The following ADAMTS20 variants were observed in gnomAD, a reference collection of about 807,000 sequenced individuals.
ADAMTS20 encodes ADAM metallopeptidase with thrombospondin type 1 motif 20.
ADAMTS20 carries 225 observed loss-of-function variants against 260.1 expected under a neutral mutation model. The ratio of observed to expected loss-of-function variants is 0.87; its 90% CI spans 0.78 to 0.97. The LOEUF is 0.97. Among genes scored for constraint, ADAMTS20 ranks in the 50% least tolerant of loss-of-function variants. The pLI is 0.00. For missense variants in ADAMTS20, 2,400 were observed against 2,337.7 expected, an observed-to-expected ratio of 1.03 and a Z score of -0.55; for synonymous variants, 802 against 769.5, an observed-to-expected ratio of 1.04 and a Z score of -0.70.
intron 28 of ADAMTS20, among the ~76,000 whole-genome samples, chr12:43,411,062 T>A (rs1334248456): frequency 6.6e-6 from 1 of 152,178 alleles, no homozygotes; most frequent in Non-Finnish European, 1.5e-5. Flanking sequence ...ATTTCAAGAA[T>A]CACAATAATT....
In ADAMTS20 at chr12:43,388,200, AG is replaced by A. The variant is rs141671296; in HGVS notation, c.4453-4224del. ...TCCTGGTCGGTGGGTTGCAAAGACC[AG>A]GGGAAAAGCATAGTATCCGGGCCAG... On this transcript the variant is annotated intron_variant, in intron 29 of 38. Coordinates refer to ENST00000389420, the MANE Select transcript of ADAMTS20 (RefSeq NM_025003.5). 4.5e-3 allele frequency among the ~76,000 whole-genome samples: 692 copies of A among 152,224 alleles called. 6 individuals carry two copies. The highest frequency in any genetic ancestry group is 0.016 in the African/African-American group (663 of 41,544).
Position 43,432,821 on chromosome 12 carries a change from A to G in ADAMTS20, c.2721-10T>C, listed in dbSNP as rs763456725. 64 of 1,600,914 alleles carry G rather than the reference A, an allele frequency of 4.0e-5. No homozygotes were observed. The Admixed American group carries it at 9.3e-4, about 23-fold the overall frequency. ...GCCAATAACATGCCACCTTGAAAAA[A>G]GATGTTACTATACTTAGGAGGTATA... is the stretch of plus-strand genomic sequence containing the variant. On this transcript the variant is annotated splice_polypyrimidine_tract_variant and intron_variant, in intron 19 of 38. Coordinates refer to ENST00000389420, the MANE Select transcript of ADAMTS20 (RefSeq NM_025003.5).
chr12:43,510,013 A>G (rs958974871), intron 3 of ADAMTS20, among the ~76,000 whole-genome samples: 1 of 152,132 alleles, frequency 6.6e-6, no homozygotes, highest in African/African-American at 2.4e-5. Context: ...AAATCCCAGG[A>G]GACTAAATAA....
At chr12:43,402,120 T>C (rs1165901111) in intron 28 of ADAMTS20, among the ~76,000 whole-genome samples, 1 of 152,010 alleles carries the variant, frequency 6.6e-6, no homozygotes, top group Non-Finnish European at 1.5e-5. Flanking sequence ...TTTCAACTTT[T>C]GTCACATGCT....
chr12:43,512,949 T>C (rs925690576), intron 3 of ADAMTS20, among the ~76,000 whole-genome samples: 1 of 152,178 alleles, frequency 6.6e-6, no homozygotes, highest in African/African-American at 2.4e-5. Flanking sequence ...GTCATGTTGG[T>C]AAATGTTGAT....
chr12:43,416,416 G>A (rs1941130526), intron 28 of ADAMTS20, among the ~76,000 whole-genome samples: 1 of 151,276 alleles, frequency 6.6e-6, no homozygotes, highest in African/African-American at 2.4e-5. Flanking sequence ...GATCCTCATT[G>A]GTCTTCTTGA....
intron 28 of ADAMTS20, among the ~76,000 whole-genome samples, chr12:43,403,363 T>A (rs1940849604): frequency 6.6e-6 from 1 of 152,164 alleles, no homozygotes; most frequent in African/African-American, 2.4e-5. Flanking sequence ...TCATTTAGTT[T>A]CAGTTGTAGG....
rs187686012 is a variant in ADAMTS20 at position 43,466,197 on chromosome 12, G to A, written c.1367+455C>T. Among the ~76,000 whole-genome samples, 536 of 152,110 alleles carry A rather than the reference G, an allele frequency of 3.5e-3. 9 individuals carry two copies. The highest frequency in any genetic ancestry group is 0.032 in the Admixed American group (484 of 15,278). ...AAGTTAGAGACTTGGCATCTCTGTG[G>A]CTTTAGAGAACTAACAGAATAATTC... On this transcript the variant is annotated intron_variant, in intron 9 of 38. Transcript: ENST00000389420.
At chr12:43,461,247 TC>T (rs1247496591) in intron 11 of ADAMTS20, among the ~76,000 whole-genome samples, 1 of 151,642 alleles carries the variant, frequency 6.6e-6, no homozygotes, top group Non-Finnish European at 1.5e-5. Flanking sequence ...TGCCTCGGTC[TC>T]CCAAAGTGCT....
chr12:43,397,149 GGTGA>G (rs1307800705), intron 29 of ADAMTS20, among the ~76,000 whole-genome samples: 4 of 152,238 alleles, frequency 2.6e-5, no homozygotes, highest in African/African-American at 4.8e-5. Flanking sequence ...TTTAAGAGAT[GGTGA>G]GTATTTTTGC....
chr12:43,470,570 G>C (rs776606986), intron 7 of ADAMTS20, among the ~76,000 whole-genome samples: 1 of 152,198 alleles, frequency 6.6e-6, no homozygotes, highest in Non-Finnish European at 1.5e-5. Context: ...TTCTCTAAAA[G>C]TTTAAAGATA....
chr12:43,485,228 G>A (rs751996233), intron 7 of ADAMTS20, among the ~76,000 whole-genome samples: 2 of 151,840 alleles, frequency 1.3e-5, no homozygotes, highest in Non-Finnish European at 2.9e-5. Context: ...AATTCACCAT[G>A]ATCAAAGAAG....
intron 35 of ADAMTS20, 56 bp downstream of exon 35, chr12:43,376,001 C>T: frequency 3.8e-6 from 5 of 1,309,726 alleles, no homozygotes; most frequent in African/African-American, 1.5e-5. Context: ...GCTAGAAGTT[C>T]CAATTCTCTT....
At chr12:43,501,461 A>ATG (rs199590788) in intron 4 of ADAMTS20, among the ~76,000 whole-genome samples, 5 of 131,178 alleles carry the variant, frequency 3.8e-5, no homozygotes, top group Admixed American at 2.4e-4. Flanking sequence ...GGAGGGGGAT[A>ATG]CGCGCGCGCG....
intron 10 of ADAMTS20, among the ~76,000 whole-genome samples, chr12:43,463,295 G>C (rs994667220): frequency 1.3e-5 from 2 of 152,032 alleles, no homozygotes; most frequent in Admixed American, 1.3e-4. Context: ...CTCTTTACAA[G>C]ATATCTTTCT....
intron 16 of ADAMTS20, among the ~76,000 whole-genome samples, chr12:43,440,996 C>G (rs1941654021): frequency 6.7e-6 from 1 of 149,026 alleles, no homozygotes; most frequent in Non-Finnish European, 1.5e-5. Flanking sequence ...ACCCGGGAGG[C>G]GGAGCTTGCA....
chr12:43,443,666 A>C, intron 16 of ADAMTS20, 125 bp downstream of exon 16: 1 of 703,802 alleles, frequency 1.4e-6, no homozygotes, highest in Non-Finnish European at 2.5e-6. Context: ...CGCTAAGCTC[A>C]GTATGAAATG....
rs1410226487 is a variant in ADAMTS20, at chr12:43,454,068, G to A, written c.1615-16C>T. 1.2e-6 allele frequency: 2 copies of A among 1,602,212 alleles called. No homozygotes were observed. The highest frequency in any genetic ancestry group is 2.3e-5 in the South Asian group (2 of 88,870). On this transcript the variant is annotated splice_polypyrimidine_tract_variant and intron_variant, in intron 11 of 38. Transcript: ENST00000389420. ...GACGGCAATGCTATAAAAATAATAA[G>A]CACAAAAAGAAATGATGTGTGTCTC...
intron 18 of ADAMTS20, among the ~76,000 whole-genome samples, chr12:43,435,686 A>AAT (rs1469660381): frequency 2.2e-4 from 33 of 150,240 alleles, no homozygotes; most frequent in South Asian, 1.3e-3. Flanking sequence ...AATAAAATAA[A>AAT]AAAAGTCTAT....
Sources: gnomAD v4.1 joint callset for allele counts (sites outside exome capture counted in the v4.1 genomes callset) on GRCh38, gnomAD v4.1.1 for gene constraint, MANE v1.5 for transcripts, NCBI Gene and HGNC (gene_info 2026-07-23, HGNC 2026-07-21) for gene names.